Variants in SMG1 observed in about 807,000 individuals in gnomAD.
SMG1 encodes serine/threonine-protein kinase SMG1.
Under a neutral mutation model 419.9 loss-of-function variants are expected in SMG1, and 22 were observed. The ratio of observed to expected loss-of-function variants is 0.05; its 90% CI spans 0.04 to 0.07. The LOEUF is 0.07. SMG1 is among the 10% of genes least tolerant of loss of function. The probability of loss-of-function intolerance (pLI) is 1.00; values close to 1 mark genes in which losing one functional copy is unlikely to be tolerated. For synonymous variants in SMG1, 1,538 were observed against 1,553.5 expected, an observed-to-expected ratio of 0.99 and a Z score of 0.23; for missense variants, 3,185 against 4,342.0, an observed-to-expected ratio of 0.73 and a Z score of 7.49.
At chr16:18,877,737 T>C (rs1320134057) in intron 11 of SMG1, 3 of 153,058 alleles carry the variant, frequency 2.0e-5, no homozygotes, top group Admixed American at 6.5e-5. Context: ...ATCTAAAAAA[T>C]AGTCTTTTAA....
chr16:18,813,968 T>A (rs2031723331), intron 60 of SMG1, among the ~76,000 whole-genome samples: 1 of 140,662 alleles, frequency 7.1e-6, no homozygotes, highest in South Asian at 2.2e-4. Context: ...AAGGCGGAAG[T>A]TGCAGTGAGC....
At chr16:18,896,621 AAAT>A (rs1447317415) in intron 2 of SMG1, among the ~76,000 whole-genome samples, 169 bp downstream of exon 2, 1 of 152,210 alleles carries the variant, frequency 6.6e-6, no homozygotes, top group African/African-American at 2.4e-5. Flanking sequence ...TAAATTTTAA[AAAT>A]AATAAAGTGG....
At position 18,866,686 on chromosome 16, in the gene SMG1, C is replaced by G. The variant is rs1209046188; in HGVS notation, c.3285G>C (p.Trp1095Cys). ...GATTTTTTCCAACAATAGATGATGA[C>G]CAGACAGCAATTCCCTGTATAGCTT... is the stretch of plus-strand genomic sequence containing the variant. The part of the protein sequence containing the change: ...CPEAIQGIAV[W>C]SSSIVGKNLL... The change falls in exon 23 of 63, where the codon TGG (tryptophan) becomes TGC (cysteine). Residue 1095 changes from tryptophan (W) to cysteine (C), a missense_variant. Transcript: ENST00000446231. 1 of 1,594,370 alleles carries G rather than the reference C, an allele frequency of 6.3e-7. No individual in the cohort carries two copies. The highest frequency in any genetic ancestry group is 2.2e-5 in the East Asian group (1 of 44,864).
At position 18,847,905 on chromosome 16, in the gene SMG1, C is replaced by T; in HGVS notation, c.5752G>A (p.Gly1918Arg). The change falls in exon 37 of 63, where the codon GGA becomes AGA. Residue 1918 changes from glycine to arginine, a missense_variant. This residue lies in a region of SMG1 where 130 missense variants were observed against 162.0 expected (regional missense o/e 0.80). Coordinates refer to ENST00000446231, the MANE Select transcript of SMG1 (RefSeq NM_015092.5). ...ATCATGGCTTGGTCTTCATTTAATC[C>T]ACTTTTAGGTTCATCCTTATTGCTA... ...QDSNKDEPKS[G>R]LNEDQAMMQD... 1 of 1,613,994 alleles carries T rather than the reference C, an allele frequency of 6.2e-7. No individual in the cohort carries two copies. The highest frequency in any genetic ancestry group is 8.5e-7 in the Non-Finnish European group (1 of 1,179,894).
At chr16:18,920,273 T>G (rs1420655878) in intron 1 of SMG1, among the ~76,000 whole-genome samples, 1 of 151,686 alleles carries the variant, frequency 6.6e-6, no homozygotes, top group Non-Finnish European at 1.5e-5. Context: ...TCTGATCTAC[T>G]TAGGAGGCTG....
intron 3 of SMG1, among the ~76,000 whole-genome samples, chr16:18,895,443 T>C (rs551981917): frequency 1.3e-3 from 203 of 151,210 alleles, no homozygotes; most frequent in Non-Finnish European, 1.9e-3. Flanking sequence ...TGCAGCACTG[T>C]GCTCCAGCCT....
Position 18,829,278 on chromosome 16 carries a change from A to C in SMG1, c.9603+8T>G. 1 of 1,599,790 alleles carries C rather than the reference A, an allele frequency of 6.3e-7. No homozygotes were observed. On this transcript the variant is annotated splice_region_variant and intron_variant, in intron 54 of 62. Transcript: ENST00000446231. ...GAGGAAAAACACATTATAAACAAAA[A>C]CACTTACCTGAAACATGGCAATATG...
In SMG1 at chr16:18,885,525, G is replaced by T; in HGVS notation, c.948+16C>A. 6.3e-7 allele frequency: 1 copy of T among 1,595,818 alleles called. No homozygotes were observed. The highest frequency in any genetic ancestry group is 1.1e-5 in the South Asian group (1 of 90,964). ...CCCCTCACCCCATGATCTGAAAAGC[G>T]GAATGAGGAACTCACCCTAAAATTA... On this transcript the variant is annotated intron_variant, in intron 7 of 62. Transcript: ENST00000446231.
intron 51 of SMG1, among the ~76,000 whole-genome samples, chr16:18,832,125 TG>T (rs1346464104): frequency 6.6e-6 from 1 of 152,210 alleles, no homozygotes; most frequent in Non-Finnish European, 1.5e-5. Context: ...TCTACAGTCT[TG>T]TATCTTTGAA....
chr16:18,877,144 T>A lies in SMG1; in HGVS notation c.1607A>T (p.His536Leu), dbSNP rs1419155853. Residue 536 changes from histidine to leucine, a missense_variant, in exon 12 of 63, where the codon CAT becomes CTT. Physicochemically the swap from His to Leu is moderately conservative, Grantham distance 99. Around this residue, in one of 27 missense-constraint regions of SMG1, gnomAD observed 297 missense variants for 491.0 expected, o/e 0.60. Transcript: ENST00000446231. ...TGTATTACTTACCTCTTTTTCTTTA[T>A]GATAACGCAAGAATAGTAGTTTAGA... is the stretch of plus-strand genomic sequence containing the variant. ...PSSKLLFLRYHKEKEVVAVAH... is the reference protein window; with the variant it reads ...PSSKLLFLRYLKEKEVVAVAH... The A allele has an allele frequency of 1.3e-6, 2 of 1,548,668 alleles. No homozygotes were observed. Among genetic ancestry groups the A allele is most frequent in the South Asian group, 1.2e-5 (1 of 86,112 alleles).
chr16:18,815,595 C>T lies in SMG1; in HGVS notation c.10359G>A (p.Arg3453=), dbSNP rs747094024. The part of the protein sequence containing the change: ...GEDVPYENSV[R]QFLGEYKSWQ... ...ATGATTTATATTCACCCAAAAACTG[C>T]CTAACACTGTTCTCATAGGGAACAT... is the stretch of plus-strand genomic sequence containing the variant. The change falls in exon 59 of 63, where the codon AGG becomes AGA. Residue 3453 remains arginine (R), a synonymous_variant. Coordinates refer to ENST00000446231, the MANE Select transcript of SMG1 (RefSeq NM_015092.5). 8 of 1,613,956 alleles carry T rather than the reference C, an allele frequency of 5.0e-6. No individual in the cohort carries two copies. The Admixed American group carries it at 5.0e-5, about 10-fold the overall frequency.
intron 23 of SMG1, 75 bp downstream of exon 23, chr16:18,866,546 T>G: frequency 7.4e-7 from 1 of 1,342,542 alleles, no homozygotes; most frequent in Admixed American, 1.7e-5. Flanking sequence ...AAGATTTGGC[T>G]ACAATGTCAG....
intron 7 of SMG1, 91 bp downstream of exon 7, chr16:18,885,450 G>A: frequency 6.8e-7 from 1 of 1,476,568 alleles, no homozygotes. Flanking sequence ...CAAAGGAGCT[G>A]AGGCATTGTT....
intron 25 of SMG1, chr16:18,861,515 C>G (rs1291541673): frequency 2.0e-5 from 3 of 152,100 alleles, no homozygotes; most frequent in Admixed American, 6.6e-5. Flanking sequence ...GCCTGTCCCT[C>G]TCGCTGTGTA....
intron 39 of SMG1, among the ~76,000 whole-genome samples, chr16:18,842,677 TAGTC>T (rs1352838053): frequency 2.6e-5 from 4 of 152,090 alleles, no homozygotes; most frequent in East Asian, 1.9e-4. Flanking sequence ...ATACAAAAGT[TAGTC>T]AGGCACAGTG....
Position 18,838,503 on chromosome 16 carries a change from C to T in SMG1, c.7085-37G>A, listed in dbSNP as rs1232606554. The T allele has an allele frequency of 3.1e-6, 5 of 1,613,870 alleles. No individual in the cohort carries two copies. In the African/African-American group the frequency reaches 6.7e-5, roughly 22 times the overall value. Reference sequence around the variant, plus strand: ...AAATCATTATATTTTTGCCCTTTCACCAAAAAACATTTGGCCCTCATAAAT... The same window carrying T: ...AAATCATTATATTTTTGCCCTTTCATCAAAAAACATTTGGCCCTCATAAAT... On this transcript the variant is annotated intron_variant, in intron 43 of 62. Transcript: ENST00000446231.
chr16:18,909,583 A>G (rs891546414), intron 1 of SMG1, among the ~76,000 whole-genome samples: 3 of 152,226 alleles, frequency 2.0e-5, no homozygotes, highest in African/African-American at 7.2e-5. Context: ...ACTCTAAAAG[A>G]AAATGAAATA....
Position 18,837,461 on chromosome 16 carries a change from G to T in SMG1, c.7414-18C>A. On this transcript the variant is annotated intron_variant, in intron 45 of 62. Transcript: ENST00000446231. ...CAGTTCACCTGTAAAAAGATATTACGATTAAGAAGACTCTTACAGGGCCAA... is the reference window on the plus strand; with the variant it reads ...CAGTTCACCTGTAAAAAGATATTACTATTAAGAAGACTCTTACAGGGCCAA... 1 of 1,600,388 alleles carries T rather than the reference G, an allele frequency of 6.2e-7. No individual in the cohort carries two copies. The highest frequency in any genetic ancestry group is 8.5e-7 in the Non-Finnish European group (1 of 1,172,282).
At chr16:18,834,027 A>T (rs1273694934) in intron 50 of SMG1, among the ~76,000 whole-genome samples, 177 bp downstream of exon 50, 3 of 152,228 alleles carry the variant, frequency 2.0e-5, no homozygotes, top group African/African-American at 7.2e-5. Context: ...AAATTCAAAA[A>T]AACAAAGAGC....
Sources: gnomAD v4.1 joint callset for allele counts (sites outside exome capture counted in the v4.1 genomes callset) on GRCh38, gnomAD v4.1.1 for gene constraint, gnomAD v4.1.1 regional missense constraint, MANE v1.5 for transcripts, NCBI Gene and HGNC (gene_info 2026-07-23, HGNC 2026-07-21) for gene names.